The following ARHGAP10 variants were observed in gnomAD, a reference collection of about 807,000 sequenced individuals.
The protein encoded by ARHGAP10 is rho GTPase-activating protein 10.
A neutral mutation model predicts 108.6 loss-of-function variants in ARHGAP10; 87 were observed. The ratio of observed to expected loss-of-function variants is 0.80; its 90% CI spans 0.67 to 0.96. The LOEUF is 0.96. Among genes scored for constraint, ARHGAP10 ranks in the 40% least tolerant of loss-of-function variants. The pLI is 0.00. For synonymous variants in ARHGAP10, 347 were observed against 341.1 expected (o/e 1.02, Z -0.19); for missense variants, 939 against 954.5 (o/e 0.98, Z 0.21).
intron 1 of ARHGAP10, among the ~76,000 whole-genome samples, chr4:147,764,875 C>T (rs1729729753): frequency 6.6e-6 from 1 of 152,180 alleles, no homozygotes; most frequent in African/African-American, 2.4e-5. Context: ...GACAGATGTG[C>T]TGAGGAGCTG....
At chr4:148,024,000 TCGTTGCCA>T (rs1410895728) in intron 19 of ARHGAP10, among the ~76,000 whole-genome samples, 2 of 152,250 alleles carry the variant, frequency 1.3e-5, no homozygotes. Flanking sequence ...GTTCAGCTAA[TCGTTGCCA>T]CGTGGCCCTG....
intron 10 of ARHGAP10, among the ~76,000 whole-genome samples, chr4:147,901,384 T>G (rs1736232043): frequency 1.3e-5 from 2 of 152,206 alleles, no homozygotes. Flanking sequence ...GCGTTGCAAG[T>G]GTGAAGTGTT....
intron 18 of ARHGAP10, among the ~76,000 whole-genome samples, chr4:148,013,761 C>G (rs545921749): frequency 1.3e-5 from 2 of 152,148 alleles, no homozygotes; most frequent in African/African-American, 4.8e-5. Context: ...AGAAAAATAG[C>G]ATTCACGTTG....
intron 12 of ARHGAP10, among the ~76,000 whole-genome samples, chr4:147,911,385 CAG>C (rs1736722213): frequency 6.6e-6 from 1 of 152,136 alleles, no homozygotes; most frequent in Non-Finnish European, 1.5e-5. Flanking sequence ...TTGTTGGAGA[CAG>C]AGTCTTGCTC....
At chr4:147,954,516 T>A (rs1738718987) in intron 15 of ARHGAP10, among the ~76,000 whole-genome samples, 1 of 147,774 alleles carries the variant, frequency 6.8e-6, no homozygotes, top group African/African-American at 2.6e-5. Flanking sequence ...CATCTTTGAT[T>A]TTTTTTTTAA....
At chr4:147,801,677 A>G (rs1401108390) in intron 1 of ARHGAP10, among the ~76,000 whole-genome samples, 2 of 152,224 alleles carry the variant, frequency 1.3e-5, no homozygotes, top group Non-Finnish European at 2.9e-5. Context: ...CAAAGAGAGT[A>G]AAGAATATAA....
At chr4:147,766,722 A>C (rs1420833978) in intron 1 of ARHGAP10, among the ~76,000 whole-genome samples, 2 of 145,380 alleles carry the variant, frequency 1.4e-5, no homozygotes, top group Non-Finnish European at 3.0e-5. Context: ...AATATATATA[A>C]TATAAATATA....
chr4:147,887,712 A>C (rs1360126542), intron 10 of ARHGAP10, among the ~76,000 whole-genome samples: 1 of 151,944 alleles, frequency 6.6e-6, no homozygotes, highest in Non-Finnish European at 1.5e-5. Context: ...AAATACAAAA[A>C]TTAGCCGGGT....
chr4:147,784,559 ATATT>A (rs1482442107), intron 1 of ARHGAP10, among the ~76,000 whole-genome samples: 4 of 116,472 alleles, frequency 3.4e-5, no homozygotes, highest in Non-Finnish European at 4.8e-5. Flanking sequence ...TATATTATAT[ATATT>A]ATGCAATTTA....
At chr4:148,043,921 T>C (rs1228340184) in intron 19 of ARHGAP10, among the ~76,000 whole-genome samples, 1 of 151,966 alleles carries the variant, frequency 6.6e-6, no homozygotes, top group East Asian at 1.9e-4. Flanking sequence ...TGTGAGTATT[T>C]AATGTTTGTG....
intron 8 of ARHGAP10, among the ~76,000 whole-genome samples, chr4:147,875,698 T>C (rs1170516692): frequency 6.6e-6 from 1 of 152,238 alleles, no homozygotes; most frequent in Non-Finnish European, 1.5e-5. Context: ...ACTAAAATCA[T>C]CAGGAAGATT....
In ARHGAP10 at chr4:147,913,159, T is replaced by C; in HGVS notation, c.1228+20T>C. 6.2e-7 allele frequency: 1 copy of C among 1,607,800 alleles called. No homozygotes were observed. Among genetic ancestry groups the C allele is most frequent in the Non-Finnish European group, 8.5e-7 (1 of 1,174,310 alleles). ...CACGAGGTAATATGATTGAATCATT[T>C]CATTCATGAGAGGCTATAGGTATGT... On this transcript the variant is annotated intron_variant, in intron 13 of 22. Coordinates refer to ENST00000336498, the MANE Select transcript of ARHGAP10 (RefSeq NM_024605.4).
chr4:147,830,215 C>T (rs926977137), intron 3 of ARHGAP10, among the ~76,000 whole-genome samples: 1 of 152,194 alleles, frequency 6.6e-6, no homozygotes, highest in African/African-American at 2.4e-5. Flanking sequence ...GGCCAGGGAT[C>T]ACTTCCTGGG....
At chr4:147,791,207 G>A (rs1731109567) in intron 1 of ARHGAP10, among the ~76,000 whole-genome samples, 2 of 151,560 alleles carry the variant, frequency 1.3e-5, no homozygotes, top group South Asian at 4.2e-4. Context: ...TGTGTCCCAG[G>A]TTCAAGTGAT....
chr4:148,053,607 C>T (rs913738845), intron 20 of ARHGAP10, among the ~76,000 whole-genome samples: 3 of 152,154 alleles, frequency 2.0e-5, no homozygotes, highest in African/African-American at 7.2e-5. Flanking sequence ...GCTTCAGAAA[C>T]GCTCTGGAAG....
At chr4:147,904,327 A>G (rs1736367734) in intron 10 of ARHGAP10, among the ~76,000 whole-genome samples, 1 of 152,008 alleles carries the variant, frequency 6.6e-6, no homozygotes, top group African/African-American at 2.4e-5. Flanking sequence ...GGTGTGCTGC[A>G]TCCATTAACT....
At chr4:147,759,580 GCC>G (rs34854334) in intron 1 of ARHGAP10, among the ~76,000 whole-genome samples, 15,480 of 139,166 alleles carry the variant, frequency 0.11, 1,229 homozygotes, top group African/African-American at 0.23. Context: ...GTGATACACC[GCC>G]CCCCCCCCCC....
intron 20 of ARHGAP10, among the ~76,000 whole-genome samples, chr4:148,057,868 A>T (rs1487749759): frequency 6.6e-6 from 1 of 152,242 alleles, no homozygotes; most frequent in East Asian, 1.9e-4. Flanking sequence ...GCCTGACAGG[A>T]AGTCCTCAGA....
intron 18 of ARHGAP10, among the ~76,000 whole-genome samples, chr4:147,983,187 GTTT>G (rs34988080): frequency 1.5e-5 from 2 of 131,588 alleles, no homozygotes; most frequent in Admixed American, 1.5e-4. Flanking sequence ...TGGCTGCTTT[GTTT>G]TTTTTTTTTT....
Sources: allele counts gnomAD v4.1 joint callset (sites outside exome capture counted in the v4.1 genomes callset), GRCh38; gene constraint gnomAD v4.1.1; transcripts MANE v1.5; gene names NCBI Gene and HGNC (gene_info 2026-07-23, HGNC 2026-07-21).